The following PRRC2C variants were observed in gnomAD, a reference collection of about 807,000 sequenced individuals.
PRRC2C encodes protein PRRC2C.
A neutral mutation model predicts 317.2 loss-of-function variants in PRRC2C; 72 were observed. The observed-to-expected ratio is 0.23, with a 90% CI of 0.19 to 0.28. PRRC2C has a LOEUF of 0.28. PRRC2C is among the 10% of genes least tolerant of loss of function. The pLI is 1.00. For synonymous variants in PRRC2C, 1,296 were observed against 1,205.9 expected, an observed-to-expected ratio of 1.07 and a Z score of -1.55; for missense variants, 3,074 against 3,459.7, an observed-to-expected ratio of 0.89 and a Z score of 2.80.
At chr1:171,558,969 G>A (rs773577158) in intron 19 of PRRC2C, among the ~76,000 whole-genome samples, 16 of 152,324 alleles carry the variant, frequency 1.1e-4, no homozygotes, top group Non-Finnish European at 1.6e-4. Flanking sequence ...ATAGTGGTCT[G>A]GATAGCAGGT....
chr1:171,513,987 C>G (rs1002236678), intron 3 of PRRC2C, among the ~76,000 whole-genome samples: 2 of 152,116 alleles, frequency 1.3e-5, no homozygotes, highest in African/African-American at 4.8e-5. Context: ...TAAGCATTAC[C>G]TCATTACAAG....
chr1:171,536,952 C>T (rs901197509), intron 14 of PRRC2C, among the ~76,000 whole-genome samples: 2 of 152,182 alleles, frequency 1.3e-5, no homozygotes, highest in African/African-American at 4.8e-5. Flanking sequence ...TCCAGAGTCA[C>T]AGTACTTGGT....
At position 171,517,498 on chromosome 1, in the gene PRRC2C, A is replaced by T; in HGVS notation, c.527-93A>T. The T allele has an allele frequency of 2.6e-6, 3 of 1,147,720 alleles. No homozygotes were observed. In the South Asian group the frequency reaches 4.5e-5, roughly 17 times the overall value. 71.1% of individuals were successfully genotyped at this position (1,147,720 alleles called of 1,614,324 possible). A position where few individuals can be genotyped will look rare whatever the true frequency, so the allele number is the denominator to read the frequency against. On this transcript the variant is annotated intron_variant, in intron 5 of 34. Transcript: ENST00000647382. ...CTTTTCCTGCTCTTTCACTCTGCTTACTTGCTTTCATTTTCCTGAAATACA... is the reference window on the plus strand; with the variant it reads ...CTTTTCCTGCTCTTTCACTCTGCTTTCTTGCTTTCATTTTCCTGAAATACA...
In PRRC2C at chr1:171,550,145, T is replaced by A; in HGVS notation, c.5032T>A (p.Leu1678Met). The stretch of plus-strand genomic sequence containing the variant: ...AGTAATTGAAGATCCCCAGTCAAAT[T>A]TGAATGATGATGGTTTTACTGAAGT... Reference protein sequence around the residue: ...VTVIEDPQSNLNDDGFTEVVS... With the variant: ...VTVIEDPQSNMNDDGFTEVVS... The change falls in exon 18 of 35, where the codon TTG (leucine) becomes ATG (methionine). Residue 1678 changes from leucine to methionine, a missense_variant. By Grantham distance (15) the Leu-to-Met change is conservative. Transcript: ENST00000647382. 6.2e-7 allele frequency: 1 copy of A among 1,608,740 alleles called. No individual in the cohort carries two copies. Among genetic ancestry groups the A allele is most frequent in the Non-Finnish European group, 8.5e-7 (1 of 1,177,204 alleles).
intron 6 of PRRC2C, among the ~76,000 whole-genome samples, chr1:171,520,797 CTTTTTT>C (rs61220175): frequency 5.5e-5 from 6 of 109,326 alleles, no homozygotes; most frequent in African/African-American, 1.7e-4. Flanking sequence ...ATTTCTTCTC[CTTTTTT>C]TTTTTTTTTT....
intron 25 of PRRC2C, among the ~76,000 whole-genome samples, chr1:171,577,105 A>G (rs1360018634): frequency 2.0e-5 from 3 of 152,136 alleles, no homozygotes; most frequent in African/African-American, 4.8e-5. Flanking sequence ...TATATATCCT[A>G]TTCTTTGTGA....
In PRRC2C at chr1:171,591,685, C is replaced by T. The variant is rs1376179251; in HGVS notation, c.8535C>T (p.Asp2845=). ...GAGGAGGCAAAGCCCAGAAAGTGGA[C>T]AGTGATTCAAGTAAACCTCCTGAAA... ...QIGGGKAQKV[D]SDSSKPPETL... The change falls in exon 35 of 35, where the codon GAC becomes GAT. Residue 2845 remains aspartate, a synonymous_variant. Coordinates refer to ENST00000647382, the MANE Select transcript of PRRC2C (RefSeq NM_001387844.1). 4 of 1,613,792 alleles carry T rather than the reference C, an allele frequency of 2.5e-6. No homozygotes were observed. The highest frequency in any genetic ancestry group is 1.7e-5 in the Admixed American group (1 of 59,974).
intron 30 of PRRC2C, among the ~76,000 whole-genome samples, chr1:171,585,573 T>C (rs925443015): frequency 3.3e-5 from 5 of 152,214 alleles, no homozygotes; most frequent in African/African-American, 1.2e-4. Context: ...GAGAGATTCT[T>C]GTTCTTCTCA....
chr1:171,558,715 C>T (rs1213121775), intron 19 of PRRC2C, among the ~76,000 whole-genome samples: 1 of 127,698 alleles, frequency 7.8e-6, no homozygotes, highest in Admixed American at 8.1e-5. Flanking sequence ...CTCTCCTGGA[C>T]CTCCCTATTC....
intron 27 of PRRC2C, 43 bp downstream of exon 27, chr1:171,579,509 A>G (rs372140293): frequency 7.5e-6 from 12 of 1,600,322 alleles, no homozygotes; most frequent in Admixed American, 3.4e-5. Flanking sequence ...GTTCCTTCGC[A>G]TTTCTGTGGT....
intron 18 of PRRC2C, among the ~76,000 whole-genome samples, chr1:171,555,633 C>T (rs6681173): frequency 0.12 from 18,784 of 152,148 alleles, 1,229 homozygotes; most frequent in East Asian, 0.21. Context: ...TGATGGTGAC[C>T]TACAGATGGG....
intron 34 of PRRC2C, among the ~76,000 whole-genome samples, chr1:171,589,946 A>T (rs1346244449): frequency 6.6e-6 from 1 of 150,904 alleles, no homozygotes; most frequent in African/African-American, 2.4e-5. Flanking sequence ...ATAGCAAAGA[A>T]GTAATATCAA....
chr1:171,488,493 T>G (rs1445016506), intron 1 of PRRC2C, among the ~76,000 whole-genome samples: 1 of 152,170 alleles, frequency 6.6e-6, no homozygotes, highest in East Asian at 1.9e-4. Flanking sequence ...GAGGGTAACT[T>G]TAGTAAATTT....
rs765965123 is a variant in PRRC2C, at chr1:171,541,854, TTAA to T, written c.4393_4395del (p.Asn1465del). 1.9e-6 allele frequency: 3 copies of T among 1,613,756 alleles called. No individual in the cohort carries two copies. The highest frequency in any genetic ancestry group is 1.1e-5 in the South Asian group (1 of 91,074). On this transcript the variant is annotated inframe_deletion, in exon 16 of 35. Coordinates refer to ENST00000647382, the MANE Select transcript of PRRC2C (RefSeq NM_001387844.1). This position sits in a 1 kb window ranked among gnomAD's most constrained non-coding sequence, Gnocchi z 4.1. ...GTAGCAGTGCCCACAAATGGCACAG[TTAA>T]TAATGTGGCTCAAGAACCAGTTAAT...
intron 17 of PRRC2C, among the ~76,000 whole-genome samples, chr1:171,547,723 A>G (rs1385988615): frequency 6.9e-6 from 1 of 144,906 alleles, no homozygotes; most frequent in Non-Finnish European, 1.5e-5. Context: ...AGCTCACTGC[A>G]ACCTCTACCT....
At chr1:171,578,418 T>A (rs1207524281) in intron 26 of PRRC2C, among the ~76,000 whole-genome samples, 4 of 152,118 alleles carry the variant, frequency 2.6e-5, no homozygotes, top group African/African-American at 7.2e-5. Flanking sequence ...CTGGATGTGG[T>A]GGCACATGCC....
chr1:171,542,280 A>T (rs929746369), intron 16 of PRRC2C, 51 bp downstream of exon 16: 2 of 1,397,328 alleles, frequency 1.4e-6, no homozygotes, highest in Admixed American at 5.7e-5. Context: ...AAAGAAGCTA[A>T]AAGTAGAGTT....
intron 16 of PRRC2C, among the ~76,000 whole-genome samples, chr1:171,544,386 A>G (rs1282259285): frequency 1.3e-5 from 2 of 152,142 alleles, no homozygotes; most frequent in Non-Finnish European, 2.9e-5. Flanking sequence ...GGCCTCCCAA[A>G]GTGCTGGGAT....
At chr1:171,591,392 A>ATAAAATTAAATATT in intron 34 of PRRC2C, 195 bp from the exon 35 acceptor site, 1 of 504,900 alleles carries the variant, frequency 2.0e-6, no homozygotes. Flanking sequence ...TTTTTTTTAA[A>ATAAAATTAAATATT]TCACATGAAA....
Sources: allele counts gnomAD v4.1 joint callset (sites outside exome capture counted in the v4.1 genomes callset), GRCh38; gene constraint gnomAD v4.1.1; non-coding constraint Gnocchi (gnomAD v3.1); transcripts MANE v1.5; gene names NCBI Gene and HGNC (gene_info 2026-07-23, HGNC 2026-07-21).